Variants in CFAP44 observed in about 807,000 individuals in gnomAD.
CFAP44 encodes cilia- and flagella-associated protein 44.
Under a neutral mutation model 216.2 loss-of-function variants are expected in CFAP44, and 134 were observed. The observed-to-expected ratio is 0.62, with a 90% CI of 0.54 to 0.72. CFAP44 has a LOEUF of 0.72. CFAP44 is among the 30% of genes least tolerant of loss of function. The pLI is 0.00. For missense variants in CFAP44, 2,035 were observed against 2,182.1 expected, an observed-to-expected ratio of 0.93 and a Z score of 1.34; for synonymous variants, 700 against 727.6, an observed-to-expected ratio of 0.96 and a Z score of 0.61.
Position 113,373,605 on chromosome 3 carries a change from C to T in CFAP44, c.2299-49G>A, listed in dbSNP as rs1002064783. ...GAAGGTGGTACTTGAATATAACACACATAAATGCATGAGAATTTTTTGATT... is the reference window on the plus strand; with the variant it reads ...GAAGGTGGTACTTGAATATAACACATATAAATGCATGAGAATTTTTTGATT... On this transcript the variant is annotated intron_variant, in intron 17 of 34. Transcript: ENST00000393845. The T allele has an allele frequency of 2.2e-6, 3 of 1,382,052 alleles. No individual in the cohort carries two copies. In the Admixed American group the frequency reaches 8.8e-5, roughly 41 times the overall value. 85.6% of individuals were successfully genotyped at this position (1,382,052 alleles called of 1,614,324 possible). A position where few individuals can be genotyped will look rare whatever the true frequency, so the allele number is the denominator to read the frequency against.
intron 21 of CFAP44, 44 bp from the exon 22 acceptor site, chr3:113,358,919 A>T: frequency 6.6e-7 from 1 of 1,510,784 alleles, no homozygotes; most frequent in Non-Finnish European, 8.8e-7. Context: ...TACTGTATCA[A>T]CTCTGTTTCA....
chr3:113,392,295 G>A (rs1933864258), intron 15 of CFAP44, among the ~76,000 whole-genome samples: 1 of 151,974 alleles, frequency 6.6e-6, no homozygotes, highest in Non-Finnish European at 1.5e-5. Flanking sequence ...AAAAAGCCAG[G>A]TACAGAAAGA....
At chr3:113,323,932 T>C (rs566932293) in intron 28 of CFAP44, among the ~76,000 whole-genome samples, 1 of 151,606 alleles carries the variant, frequency 6.6e-6, no homozygotes, top group African/African-American at 2.4e-5. Flanking sequence ...TAGTCCCAGC[T>C]ACTTGGGAGG....
At chr3:113,304,256 G>A in intron 31 of CFAP44, 139 bp from the exon 32 acceptor site, 1 of 788,316 alleles carries the variant, frequency 1.3e-6, no homozygotes, top group Non-Finnish European at 2.0e-6. Flanking sequence ...TCCTTACTGA[G>A]TAACAGTAGC....
rs1950200289 is a variant in CFAP44, at chr3:113,327,694, G to A, written c.4242C>T (p.Leu1414=). The A allele has an allele frequency of 2.6e-6, 4 of 1,536,906 alleles. No individual in the cohort carries two copies. The highest frequency in any genetic ancestry group is 3.5e-6 in the Non-Finnish European group (4 of 1,146,692). The change falls in exon 27 of 35, where the codon CTC becomes CTT. Residue 1414 remains leucine (L), a synonymous_variant. Transcript: ENST00000393845. ...HHVTLFQEIL[L]LKNFEKQENI... is the part of the protein sequence containing the mutation. ...TCTCCTGTTTTTCAAAATTCTTCAG[G>A]AGAAGTATTTCTTGAAATAAGGTGA...
chr3:113,397,843 T>C (rs75264830), intron 13 of CFAP44, among the ~76,000 whole-genome samples: 3 of 151,898 alleles, frequency 2.0e-5, no homozygotes, highest in African/African-American at 7.3e-5. Flanking sequence ...AGAGGGATGA[T>C]TGGGGATGTG....
chr3:113,320,513 C>G (rs7633428), intron 28 of CFAP44, among the ~76,000 whole-genome samples: 79,871 of 145,694 alleles, frequency 0.55, 23,434 homozygotes, highest in African/African-American at 0.76. Context: ...TCTAGATATA[C>G]AGTACTTAAT....
At chr3:113,418,106 T>C (rs1290031040) in intron 5 of CFAP44, among the ~76,000 whole-genome samples, 1 of 144,852 alleles carries the variant, frequency 6.9e-6, no homozygotes, top group African/African-American at 2.6e-5. Context: ...AATTTATTTA[T>C]TGAGACTCTG....
Position 113,347,015 on chromosome 3 carries a change from C to T in CFAP44, c.3066-2303G>A, listed in dbSNP as rs542309093. 1.1e-4 allele frequency among the ~76,000 whole-genome samples: 16 copies of T among 152,330 alleles called. 1 individual carries two copies. In the South Asian group the frequency reaches 3.3e-3, roughly 32 times the overall value. ...CACTGGAAGGAACCAACTCTGGACACATCTTGGCGACCCAGATGGGACATC... is the reference window on the plus strand; with the variant it reads ...CACTGGAAGGAACCAACTCTGGACATATCTTGGCGACCCAGATGGGACATC... On this transcript the variant is annotated intron_variant, in intron 22 of 34. Coordinates refer to ENST00000393845, the MANE Select transcript of CFAP44 (RefSeq NM_001164496.2).
intron 13 of CFAP44, among the ~76,000 whole-genome samples, chr3:113,398,028 G>A (rs1034216286): frequency 1.3e-5 from 2 of 152,158 alleles, no homozygotes; most frequent in Non-Finnish European, 2.9e-5. Flanking sequence ...ATCCTGTAGA[G>A]CTCAGTGACC....
At chr3:113,341,597 T>C in intron 24 of CFAP44, 147 bp downstream of exon 24, 1 of 916,814 alleles carries the variant, frequency 1.1e-6, no homozygotes, top group Non-Finnish European at 1.5e-6. Flanking sequence ...CCAGCTGACC[T>C]GTTTATAATA....
At chr3:113,433,244 T>TA (rs1436952773) in intron 2 of CFAP44, among the ~76,000 whole-genome samples, 1 of 151,426 alleles carries the variant, frequency 6.6e-6, no homozygotes, top group Non-Finnish European at 1.5e-5. Flanking sequence ...GCCTGACCAA[T>TA]ATGATGAAAC....
chr3:113,365,995 T>A, intron 19 of CFAP44, 44 bp downstream of exon 19: 3 of 1,543,912 alleles, frequency 1.9e-6, no homozygotes, highest in Non-Finnish European at 2.6e-6. Flanking sequence ...TCACTATTTT[T>A]AAATACAGTT....
At chr3:113,384,234 T>C (rs544917973) in intron 15 of CFAP44, among the ~76,000 whole-genome samples, 47 of 152,140 alleles carry the variant, frequency 3.1e-4, no homozygotes, top group Admixed American at 7.9e-4. Flanking sequence ...AATTTTTTTG[T>C]ATTTTTAGTA....
intron 24 of CFAP44, among the ~76,000 whole-genome samples, chr3:113,338,751 G>A (rs577641646): frequency 6.2e-4 from 94 of 152,306 alleles, no homozygotes; most frequent in African/African-American, 2.1e-3. Flanking sequence ...AGGGAGAAGG[G>A]GACCTTGGCC....
chr3:113,311,132 GC>G (rs1408962544), intron 28 of CFAP44, among the ~76,000 whole-genome samples: 2 of 152,152 alleles, frequency 1.3e-5, no homozygotes, highest in Non-Finnish European at 2.9e-5. Flanking sequence ...ATTTAAAACA[GC>G]CATGATAAAA....
At chr3:113,373,922 G>T (rs1933254756) in intron 17 of CFAP44, among the ~76,000 whole-genome samples, 1 of 152,096 alleles carries the variant, frequency 6.6e-6, no homozygotes, top group Non-Finnish European at 1.5e-5. Context: ...CAGCTAGTTT[G>T]CAGTTTAAGG....
chr3:113,346,148 C>A (rs1316987316), intron 22 of CFAP44, among the ~76,000 whole-genome samples: 1 of 152,220 alleles, frequency 6.6e-6, no homozygotes, highest in Non-Finnish European at 1.5e-5. Context: ...ATGCACCAAT[C>A]AACACTCTGT....
At position 113,441,451 on chromosome 3, in the gene CFAP44, ACCGAAGGTACTGACCGCCGC is replaced by A; in HGVS notation, c.-24_-6+1del. ...CTGCCGGCTGCTGAGGTCCAAACTCACCGAAGGTACTGACCGCCGCGGCTCCTCTCTTCACAGCGTCTGCC... is the reference window on the plus strand; with the variant it reads ...CTGCCGGCTGCTGAGGTCCAAACTCAGGCTCCTCTCTTCACAGCGTCTGCC... On this transcript the variant is annotated splice_donor_variant and 5_prime_UTR_variant, in exon 1 of 35. Transcript: ENST00000393845. LOFTEE classifies it low-confidence loss of function (5UTR_SPLICE). The A allele has an allele frequency of 1.0e-6, 1 of 985,366 alleles. No homozygotes were observed. Among genetic ancestry groups the A allele is most frequent in the Non-Finnish European group, 1.2e-6 (1 of 830,054 alleles). 61.0% of individuals were successfully genotyped at this position (985,366 alleles called of 1,614,324 possible). A position where few individuals can be genotyped will look rare whatever the true frequency, so the allele number is the denominator to read the frequency against.
Sources: allele counts gnomAD v4.1 joint callset (sites outside exome capture counted in the v4.1 genomes callset), GRCh38; gene constraint gnomAD v4.1.1; transcripts MANE v1.5; gene names NCBI Gene and HGNC (gene_info 2026-07-23, HGNC 2026-07-21).